Variants in PTK7 observed in about 807,000 individuals in gnomAD.
PTK7 encodes protein tyrosine kinase 7 (inactive), also known as inactive tyrosine-protein kinase 7.
PTK7 carries 39 observed loss-of-function variants against 116.6 expected under a neutral mutation model. That is an observed-to-expected ratio of 0.33 (90% confidence interval 0.26 to 0.44). The LOEUF is 0.44. Ranked by LOEUF, PTK7 falls within the 20% of genes least tolerant of loss-of-function variation. The probability of loss-of-function intolerance (pLI) is 1.00; values close to 1 mark genes in which losing one functional copy is unlikely to be tolerated. For missense variants in PTK7, 1,169 were observed against 1,425.6 expected (o/e 0.82, Z 2.90); for synonymous variants, 546 against 563.6 (o/e 0.97, Z 0.44).
At chr6:43,099,296 A>G (rs1404621656) in intron 1 of PTK7, among the ~76,000 whole-genome samples, 1 of 151,124 alleles carries the variant, frequency 6.6e-6, no homozygotes, top group Non-Finnish European at 1.5e-5. Context: ...GCAGTGGCAC[A>G]ATCATGGCTC....
chr6:43,085,260 T>A (rs1465092995), intron 1 of PTK7, among the ~76,000 whole-genome samples: 1 of 152,188 alleles, frequency 6.6e-6, no homozygotes, highest in Non-Finnish European at 1.5e-5. Context: ...CGTTTCCTTT[T>A]GAGGGGTCAG....
intron 1 of PTK7, among the ~76,000 whole-genome samples, chr6:43,105,932 C>T (rs776076862): frequency 6.7e-4 from 102 of 152,300 alleles, no homozygotes; most frequent in African/African-American, 2.4e-3. Context: ...TTTGTTATGG[C>T]AGCCCTGGGA....
In PTK7 at chr6:43,076,347, C is replaced by A. The variant is rs538876132; in HGVS notation, c.-142C>A. Reference sequence around the variant, plus strand: ...CGCGCGGCTCCGGCTCGGGACGCCTCGGGACGCCTCGGGGTCGGGCTCCGG... The same window carrying A: ...CGCGCGGCTCCGGCTCGGGACGCCTAGGGACGCCTCGGGGTCGGGCTCCGG... On this transcript the variant is annotated 5_prime_UTR_variant, in exon 1 of 20. Transcript: ENST00000230419. This position sits in a 1 kb window ranked among gnomAD's most constrained non-coding sequence, Gnocchi z 5.7. 1.6e-5 allele frequency: 7 copies of A among 425,140 alleles called. No homozygotes were observed. The South Asian group carries it at 6.7e-4, about 41-fold the overall frequency. The allele number at this position is 425,140 out of a possible 1,614,324, so 26.3% of individuals were successfully genotyped here. A position where few individuals can be genotyped will look rare whatever the true frequency, so the allele number is the denominator to read the frequency against.
At chr6:43,153,452 C>G (rs1271490922) in intron 17 of PTK7, among the ~76,000 whole-genome samples, 6 of 152,016 alleles carry the variant, frequency 3.9e-5, no homozygotes, top group Non-Finnish European at 5.9e-5. Context: ...TTCTGTCACC[C>G]AGGCTGGAAT....
At chr6:43,109,759 C>T (rs1438337068) in intron 1 of PTK7, among the ~76,000 whole-genome samples, 2 of 149,622 alleles carry the variant, frequency 1.3e-5, no homozygotes, top group African/African-American at 2.5e-5. Context: ...AGTGCAGTGG[C>T]GTGATCTCAG....
Position 43,159,941 on chromosome 6 carries a change from G to A in PTK7, c.3027G>A (p.Gly1009=), listed in dbSNP as rs534036451. The change falls in exon 19 of 20, where the codon GGG becomes GGA. Residue 1009 remains glycine (G), a synonymous_variant. Transcript: ENST00000230419. ...VFTHGEMPHG[G]QADDEVLADL... is the part of the protein sequence containing the mutation. Reference sequence around the variant, plus strand: ...CACATGGAGAGATGCCCCATGGTGGGCAGGCAGATGATGAAGTACTGGCAG... The same window carrying A: ...CACATGGAGAGATGCCCCATGGTGGACAGGCAGATGATGAAGTACTGGCAG... The A allele has an allele frequency of 1.7e-5, 28 of 1,614,002 alleles. No homozygotes were observed. The South Asian group carries it at 2.6e-4, about 15-fold the overall frequency.
At chr6:43,135,171 C>T (rs1040300221) in intron 7 of PTK7, among the ~76,000 whole-genome samples, 30 of 152,142 alleles carry the variant, frequency 2.0e-4, no homozygotes, top group African/African-American at 7.0e-4. Context: ...CTGAGCCATG[C>T]CAGTGTCCCT....
At chr6:43,127,861 A>G (rs2150425376) in intron 1 of PTK7, among the ~76,000 whole-genome samples, 1 of 152,168 alleles carries the variant, frequency 6.6e-6, no homozygotes, top group South Asian at 2.1e-4. Flanking sequence ...CCCAGGAGGC[A>G]GAGCTTGCAG....
chr6:43,160,307 G>C (rs1771771569), intron 19 of PTK7, among the ~76,000 whole-genome samples: 1 of 152,076 alleles, frequency 6.6e-6, no homozygotes. Context: ...AGTAGAGATG[G>C]GGGGGCTTCA....
At position 43,147,024 on chromosome 6, in the gene PTK7, T is replaced by A. The variant is rs138994057; in HGVS notation, c.2721+326T>A. ...GGAGCTTGCATTGGAGCAGGACGCC[T>A]GCCCACCTGCAATGAGCTCTGAGCT... is the stretch of plus-strand genomic sequence containing the variant. On this transcript the variant is annotated intron_variant, in intron 17 of 19. Transcript: ENST00000230419. Among the ~76,000 whole-genome samples, 1,248 of 152,346 alleles carry A rather than the reference T, an allele frequency of 8.2e-3. 24 individuals carry two copies. The highest frequency in any genetic ancestry group is 0.028 in the African/African-American group (1,175 of 41,584).
chr6:43,108,240 G>A (rs1471886596), intron 1 of PTK7, among the ~76,000 whole-genome samples: 1 of 151,552 alleles, frequency 6.6e-6, no homozygotes, highest in Non-Finnish European at 1.5e-5. Flanking sequence ...GACTACAGGC[G>A]CCTGCCACCA....
chr6:43,144,978 T>C (rs929927060), intron 15 of PTK7: 17 of 437,198 alleles, frequency 3.9e-5, no homozygotes, highest in Non-Finnish European at 6.0e-5. Flanking sequence ...AAAATTCTCA[T>C]GCGAGTCACC....
chr6:43,090,726 C>A (rs1361159462), intron 1 of PTK7, among the ~76,000 whole-genome samples: 2 of 152,134 alleles, frequency 1.3e-5, no homozygotes, highest in Non-Finnish European at 2.9e-5. Context: ...GTCCCTCCCG[C>A]TTGGTTGCCA....
chr6:43,148,264 A>AG (rs929053240), intron 17 of PTK7, among the ~76,000 whole-genome samples: 19 of 141,080 alleles, frequency 1.3e-4, no homozygotes, highest in African/African-American at 1.8e-4. Context: ...AAGGGAGGGG[A>AG]GGGGGGGAAA....
intron 13 of PTK7, chr6:43,142,502 G>GT: frequency 1.3e-6 from 1 of 771,978 alleles, no homozygotes; most frequent in South Asian, 1.5e-5. Flanking sequence ...TCCAACGGTC[G>GT]GTGTGTGTGT....
intron 17 of PTK7, among the ~76,000 whole-genome samples, chr6:43,157,365 T>TATATATATATGTA (rs1554162298): frequency 3.7e-5 from 1 of 26,908 alleles, no homozygotes; most frequent in Non-Finnish European, 6.8e-5. Context: ...TATATATATA[T>TATATATATATGTA]TTTTTTTTTT....
In PTK7 at chr6:43,098,810, A is replaced by G. The variant is rs200648314; in HGVS notation, c.79+22243A>G. On this transcript the variant is annotated intron_variant, in intron 1 of 19. Transcript: ENST00000230419. Reference sequence around the variant, plus strand: ...ATTAAAATGTGAAACAGATAAAAGCAAAGACAGATATATCAGTCATGATGA... The same window carrying G: ...ATTAAAATGTGAAACAGATAAAAGCGAAGACAGATATATCAGTCATGATGA... Among the ~76,000 whole-genome samples, 5 of 152,374 alleles carry G rather than the reference A, an allele frequency of 3.3e-5. No homozygotes were observed. The East Asian group carries it at 9.6e-4, about 29-fold the overall frequency.
chr6:43,124,923 A>C (rs554115747), intron 1 of PTK7, among the ~76,000 whole-genome samples: 4 of 152,162 alleles, frequency 2.6e-5, no homozygotes, highest in Admixed American at 2.6e-4. Context: ...CTGTAATCCC[A>C]GCACTTTGGG....
chr6:43,132,950 A>T (rs1769792902), intron 7 of PTK7: 1 of 584,374 alleles, frequency 1.7e-6, no homozygotes, highest in East Asian at 2.8e-5. Flanking sequence ...TAGACTAGGA[A>T]TCTAGAGACC....
Sources: allele counts gnomAD v4.1 joint callset (sites outside exome capture counted in the v4.1 genomes callset), GRCh38; gene constraint gnomAD v4.1.1; non-coding constraint Gnocchi (gnomAD v3.1); transcripts MANE v1.5; gene names NCBI Gene and HGNC (gene_info 2026-07-23, HGNC 2026-07-21).